The following PLPP4 variants were observed in gnomAD, a reference collection of about 807,000 sequenced individuals.
The protein encoded by PLPP4 is diacylglycerol pyrophosphate like 2.
PLPP4 carries 20 observed loss-of-function variants against 32.2 expected under a neutral mutation model. The observed-to-expected ratio is 0.62, with a 90% CI of 0.44 to 0.90. PLPP4 has a LOEUF of 0.90. PLPP4 is among the 40% of genes least tolerant of loss of function. PLPP4 has a pLI of 0.00. For missense variants in PLPP4, 257 were observed against 353.1 expected, an observed-to-expected ratio of 0.73 and a Z score of 2.18; for synonymous variants, 127 against 133.0, an observed-to-expected ratio of 0.95 and a Z score of 0.31.
At chr10:120,531,571 T>C (rs1473078983) in intron 5 of PLPP4, among the ~76,000 whole-genome samples, 2 of 152,196 alleles carry the variant, frequency 1.3e-5, no homozygotes, top group Non-Finnish European at 2.9e-5. Context: ...TAAAACATTA[T>C]GGCTTTTATA....
At chr10:120,541,416 C>T (rs1321656540) in intron 5 of PLPP4, among the ~76,000 whole-genome samples, 4 of 152,178 alleles carry the variant, frequency 2.6e-5, no homozygotes, top group African/African-American at 7.2e-5. Flanking sequence ...GGAGAGCCAG[C>T]GACTGTCCTG....
intron 5 of PLPP4, among the ~76,000 whole-genome samples, chr10:120,565,184 A>G (rs1054419997): frequency 1.3e-5 from 2 of 152,110 alleles, no homozygotes; most frequent in East Asian, 1.9e-4. Context: ...CTTCCTCCCA[A>G]CAAACCACCA....
At chr10:120,479,037 T>C (rs532451138) in intron 1 of PLPP4, among the ~76,000 whole-genome samples, 83 of 152,188 alleles carry the variant, frequency 5.5e-4, no homozygotes, top group East Asian at 3.3e-3. Context: ...CCATCCTGGC[T>C]AACATGGTGA....
At chr10:120,548,091 T>G (rs1190539346) in intron 5 of PLPP4, among the ~76,000 whole-genome samples, 1 of 152,078 alleles carries the variant, frequency 6.6e-6, no homozygotes, top group Non-Finnish European at 1.5e-5. Flanking sequence ...TTTTTTAACT[T>G]TTAGATTTAG....
At chr10:120,507,121 G>T (rs78157386) in intron 2 of PLPP4, among the ~76,000 whole-genome samples, 1 of 152,120 alleles carries the variant, frequency 6.6e-6, no homozygotes, top group African/African-American at 2.4e-5. Flanking sequence ...ACTTTTTGTT[G>T]TCTATAGTAG....
At chr10:120,463,838 A>G (rs1243497124) in intron 1 of PLPP4, among the ~76,000 whole-genome samples, 3 of 151,994 alleles carry the variant, frequency 2.0e-5, no homozygotes, top group South Asian at 2.1e-4. Context: ...ATATATAGAT[A>G]GAGTCTTGCT....
At chr10:120,582,903 G>A (rs1012000606) in intron 6 of PLPP4, among the ~76,000 whole-genome samples, 2 of 151,104 alleles carry the variant, frequency 1.3e-5, no homozygotes, top group Non-Finnish European at 2.9e-5. Context: ...GGACATAGCT[G>A]CTGTCCTCTC....
intron 5 of PLPP4, among the ~76,000 whole-genome samples, chr10:120,534,456 C>T (rs528897452): frequency 1.3e-5 from 2 of 152,172 alleles, no homozygotes; most frequent in South Asian, 4.2e-4. Context: ...GTTCACTGAG[C>T]TCCTAGGATG....
intron 6 of PLPP4, chr10:120,581,078 C>T: frequency 7.9e-7 from 1 of 1,266,098 alleles, no homozygotes; most frequent in Non-Finnish European, 1.0e-6. Flanking sequence ...TCAAAGTCCA[C>T]TGCATATCCT....
chr10:120,542,094 G>A (rs1320606835), intron 5 of PLPP4, among the ~76,000 whole-genome samples: 1 of 152,214 alleles, frequency 6.6e-6, no homozygotes, highest in African/African-American at 2.4e-5. Flanking sequence ...GTGGCCACAT[G>A]TAATGAGCAC....
At chr10:120,558,740 A>T (rs537871624) in intron 5 of PLPP4, among the ~76,000 whole-genome samples, 2 of 152,080 alleles carry the variant, frequency 1.3e-5, no homozygotes, top group African/African-American at 2.4e-5. Flanking sequence ...TTTCATTTTT[A>T]TCTGCCACTT....
chr10:120,477,509 GA>G (rs979434111), intron 1 of PLPP4, among the ~76,000 whole-genome samples: 1 of 152,186 alleles, frequency 6.6e-6, no homozygotes. Context: ...CGCTGAGCTG[GA>G]AATCACAAAC....
At chr10:120,495,256 A>G (rs1310530899) in intron 1 of PLPP4, among the ~76,000 whole-genome samples, 2 of 152,186 alleles carry the variant, frequency 1.3e-5, no homozygotes, top group Non-Finnish European at 2.9e-5. Context: ...ATAACTAACT[A>G]TGATTATTAT....
intron 1 of PLPP4, among the ~76,000 whole-genome samples, chr10:120,479,263 T>C (rs1443152819): frequency 6.6e-6 from 1 of 151,916 alleles, no homozygotes; most frequent in Non-Finnish European, 1.5e-5. Context: ...AAAAAAAACC[T>C]TCCCATCCCC....
chr10:120,494,631 G>A (rs759635966), intron 1 of PLPP4, among the ~76,000 whole-genome samples: 4 of 152,198 alleles, frequency 2.6e-5, no homozygotes, highest in Non-Finnish European at 5.9e-5. Flanking sequence ...CCAGTCCTGG[G>A]CTGGTCTCTA....
At chr10:120,469,929 T>C (rs1848443916) in intron 1 of PLPP4, among the ~76,000 whole-genome samples, 1 of 152,240 alleles carries the variant, frequency 6.6e-6, no homozygotes, top group South Asian at 2.1e-4. Context: ...AAAAACAATA[T>C]TGCAGTTGTT....
At chr10:120,509,759 G>A (rs1055559169) in intron 2 of PLPP4, among the ~76,000 whole-genome samples, 5 of 152,204 alleles carry the variant, frequency 3.3e-5, no homozygotes, top group Non-Finnish European at 5.9e-5. Context: ...GAAAGTGTGA[G>A]GAAAGTCCAT....
At chr10:120,541,805 C>T (rs1327923075) in intron 5 of PLPP4, among the ~76,000 whole-genome samples, 1 of 148,710 alleles carries the variant, frequency 6.7e-6, no homozygotes, top group Non-Finnish European at 1.5e-5. Flanking sequence ...GATGGAGTCT[C>T]GCACTGTTGC....
chr10:120,478,762 G>A (rs558815008), intron 1 of PLPP4, among the ~76,000 whole-genome samples: 2 of 152,254 alleles, frequency 1.3e-5, no homozygotes, highest in African/African-American at 4.8e-5. Flanking sequence ...TTAAAAAGCT[G>A]CAACACACTC....
Sources: allele counts gnomAD v4.1 joint callset (sites outside exome capture counted in the v4.1 genomes callset), GRCh38; gene constraint gnomAD v4.1.1; transcripts MANE v1.5; gene names NCBI Gene and HGNC (gene_info 2026-07-23, HGNC 2026-07-21).